Variants in PIP4K2A observed in about 807,000 individuals in gnomAD.
The protein encoded by PIP4K2A is phosphatidylinositol 5-phosphate 4-kinase type-2 alpha.
PIP4K2A carries 14 observed loss-of-function variants against 42.9 expected under a neutral mutation model. The observed-to-expected ratio is 0.33, with a 90% CI of 0.22 to 0.51. The LOEUF is 0.51. Among genes scored for constraint, PIP4K2A ranks in the 20% least tolerant of loss-of-function variants. The probability of loss-of-function intolerance (pLI) is 0.97; values close to 1 mark genes in which losing one functional copy is unlikely to be tolerated. For synonymous variants in PIP4K2A, 192 were observed against 192.2 expected (o/e 1.00, Z 0.01); for missense variants, 434 against 519.8 (o/e 0.83, Z 1.61).
chr10:22,656,988 T>G (rs1839114038), intron 1 of PIP4K2A, among the ~76,000 whole-genome samples: 1 of 152,190 alleles, frequency 6.6e-6, no homozygotes, highest in African/African-American at 2.4e-5. Flanking sequence ...GCCAGTTAGA[T>G]TCTAAACTCC....
At chr10:22,560,177 C>T (rs1031410559) in intron 6 of PIP4K2A, among the ~76,000 whole-genome samples, 22 of 152,128 alleles carry the variant, frequency 1.4e-4, no homozygotes, top group Admixed American at 9.2e-4. Context: ...TTACAGAAGG[C>T]GGTTAAAGCA....
At chr10:22,618,976 T>G (rs1266091433) in intron 1 of PIP4K2A, among the ~76,000 whole-genome samples, 1 of 152,208 alleles carries the variant, frequency 6.6e-6, no homozygotes, top group African/African-American at 2.4e-5. Context: ...TTCTTACTTT[T>G]TTCTACTAAG....
chr10:22,612,798 T>C (rs895581288), intron 1 of PIP4K2A, among the ~76,000 whole-genome samples: 1 of 152,286 alleles, frequency 6.6e-6, no homozygotes, highest in African/African-American at 2.4e-5. Flanking sequence ...TTAAACTTCA[T>C]GCGCTCTTGG....
intron 6 of PIP4K2A, among the ~76,000 whole-genome samples, chr10:22,555,749 C>T (rs1249062463): frequency 6.6e-6 from 1 of 150,612 alleles, no homozygotes; most frequent in Non-Finnish European, 1.5e-5. Context: ...CTAGTTGATA[C>T]CTGGATAATT....
At chr10:22,620,087 C>G (rs995520488) in intron 1 of PIP4K2A, among the ~76,000 whole-genome samples, 5 of 152,158 alleles carry the variant, frequency 3.3e-5, no homozygotes, top group Non-Finnish European at 5.9e-5. Context: ...AATATTTAAA[C>G]TTTTGCTTAG....
At chr10:22,672,159 G>GA (rs1839465747) in intron 1 of PIP4K2A, among the ~76,000 whole-genome samples, 1 of 151,820 alleles carries the variant, frequency 6.6e-6, no homozygotes, top group Admixed American at 6.6e-5. Context: ...ATTGTTAAAT[G>GA]AAAAAAAGGA....
intron 1 of PIP4K2A, among the ~76,000 whole-genome samples, chr10:22,668,540 T>C (rs1028896389): frequency 6.6e-6 from 1 of 152,210 alleles, no homozygotes; most frequent in African/African-American, 2.4e-5. Context: ...GCTCTCAACA[T>C]ACAATTGGGC....
chr10:22,615,085 A>G (rs969338481), intron 1 of PIP4K2A, among the ~76,000 whole-genome samples: 1 of 152,222 alleles, frequency 6.6e-6, no homozygotes, highest in Non-Finnish European at 1.5e-5. Flanking sequence ...GATAACTAAC[A>G]GTGGTTTATC....
rs533925598 is a variant in PIP4K2A, at chr10:22,710,404, C to T, written c.144+3779G>A. 8.5e-5 allele frequency among the ~76,000 whole-genome samples: 13 copies of T among 152,362 alleles called. No homozygotes were observed. The South Asian group carries it at 1.7e-3, about 19-fold the overall frequency. ...TTTTATAACTGCTTAGTCCAAGGGACGGCCACAAATGACCAAGGCCAGACC... is the reference window on the plus strand; with the variant it reads ...TTTTATAACTGCTTAGTCCAAGGGATGGCCACAAATGACCAAGGCCAGACC... On this transcript the variant is annotated intron_variant, in intron 1 of 9. Coordinates refer to ENST00000376573, the MANE Select transcript of PIP4K2A (RefSeq NM_005028.5).
Position 22,591,597 on chromosome 10 carries a change from TG to T in PIP4K2A, c.492+31del, listed in dbSNP as rs1837512464. 3 of 1,560,036 alleles carry T rather than the reference TG, an allele frequency of 1.9e-6. No homozygotes were observed. The East Asian group carries it at 6.8e-5, about 36-fold the overall frequency. ...AAATCGCTACGCATGTTAATCTTCT[TG>T]GAGTTTCAAATAAAGATCAAGAAAA... On this transcript the variant is annotated intron_variant, in intron 4 of 9. Transcript: ENST00000376573.
chr10:22,668,144 G>T (rs923979883), intron 1 of PIP4K2A, among the ~76,000 whole-genome samples: 1 of 152,114 alleles, frequency 6.6e-6, no homozygotes, highest in African/African-American at 2.4e-5. Flanking sequence ...TAGAGACAGC[G>T]TTTTACTATG....
rs1221023608 is a variant in PIP4K2A, at chr10:22,536,898, G to C, written c.*303C>G. 1 of 273,250 alleles carries C rather than the reference G, an allele frequency of 3.7e-6. No individual in the cohort carries two copies. The highest frequency in any genetic ancestry group is 8.8e-5 in the East Asian group (1 of 11,396). 16.9% of individuals were successfully genotyped at this position (273,250 alleles called of 1,614,324 possible). A position where few individuals can be genotyped will look rare whatever the true frequency, so the allele number is the denominator to read the frequency against. ...GTCTTTGTTGGGACACATACTGACC[G>C]AAGTGGATCTGTTTTAATTAATTTA... On this transcript the variant is annotated 3_prime_UTR_variant, in exon 10 of 10. Coordinates refer to ENST00000376573, the MANE Select transcript of PIP4K2A (RefSeq NM_005028.5).
rs1835937256 is a variant in PIP4K2A at position 22,536,733 on chromosome 10, A to AAAAAACAAAACAAAAAAAAC, written c.*467_*468insGTTTTTTTTGTTTTGTTTTT. 6.7e-6 allele frequency: 1 copy of AAAAAACAAAACAAAAAAAAC among 149,760 alleles called. No individual in the cohort carries two copies. The highest frequency in any genetic ancestry group is 1.5e-5 in the Non-Finnish European group (1 of 67,696). 9.3% of individuals were successfully genotyped at this position (149,760 alleles called of 1,614,324 possible). On this transcript the variant is annotated 3_prime_UTR_variant, in exon 10 of 10. Transcript: ENST00000376573. Reference sequence around the variant, plus strand: ...CAACTCCAAAAAAAAAAAAAAAAAAAAAAAACTGATCCACAGTTTGTTGTG... The same window carrying AAAAAACAAAACAAAAAAAAC: ...CAACTCCAAAAAAAAAAAAAAAAAAAAAAAACAAAACAAAAAAAACAAAAACTGATCCACAGTTTGTTGTG...
chr10:22,591,893 G>C (rs1473907844), intron 3 of PIP4K2A, 112 bp from the exon 4 acceptor site: 1 of 906,580 alleles, frequency 1.1e-6, no homozygotes, highest in East Asian at 2.7e-5. Context: ...AAAAACATTT[G>C]TGTGTGGGAT....
chr10:22,572,200 T>C (rs1415430829), intron 5 of PIP4K2A, among the ~76,000 whole-genome samples: 2 of 152,238 alleles, frequency 1.3e-5, no homozygotes, highest in Non-Finnish European at 2.9e-5. Context: ...GTAAACGTTT[T>C]AGGCTTTGTG....
rs193221535 is a variant in PIP4K2A at position 22,710,336 on chromosome 10, G to A, written c.144+3847C>T. 4.5e-4 allele frequency among the ~76,000 whole-genome samples: 69 copies of A among 152,234 alleles called. 1 individual carries two copies. The East Asian group carries it at 8.7e-3, about 19-fold the overall frequency. On this transcript the variant is annotated intron_variant, in intron 1 of 9. Coordinates refer to ENST00000376573, the MANE Select transcript of PIP4K2A (RefSeq NM_005028.5). Reference sequence around the variant, plus strand: ...CTGGCAGGCCCTTTCCCCTCTCTGGGGACTGTTCTTTCCCCAACGCCAACA... The same window carrying A: ...CTGGCAGGCCCTTTCCCCTCTCTGGAGACTGTTCTTTCCCCAACGCCAACA...
intron 1 of PIP4K2A, chr10:22,693,858 A>G (rs1424317614): frequency 6.6e-6 from 1 of 152,184 alleles, no homozygotes. Flanking sequence ...CTGATGGGTT[A>G]TGATTTTTTT....
At chr10:22,573,740 A>C (rs932575282) in intron 4 of PIP4K2A, among the ~76,000 whole-genome samples, 4 of 152,244 alleles carry the variant, frequency 2.6e-5, no homozygotes, top group African/African-American at 9.6e-5. Flanking sequence ...GTAAGGCAAG[A>C]GGACATGTGA....
At chr10:22,665,828 AC>A (rs1164629309) in intron 1 of PIP4K2A, among the ~76,000 whole-genome samples, 1 of 151,858 alleles carries the variant, frequency 6.6e-6, no homozygotes, top group Non-Finnish European at 1.5e-5. Flanking sequence ...ACATATATAT[AC>A]ATACACACAC....
Sources: gnomAD v4.1 joint callset for allele counts (sites outside exome capture counted in the v4.1 genomes callset) on GRCh38, gnomAD v4.1.1 for gene constraint, MANE v1.5 for transcripts, NCBI Gene and HGNC (gene_info 2026-07-23, HGNC 2026-07-21) for gene names.